The following NRIP1 variants were observed in gnomAD, a reference collection of about 807,000 sequenced individuals.
NRIP1 encodes the protein nuclear receptor interacting protein 1, also known as nuclear receptor-interacting protein 1.
NRIP1 carries 28 observed loss-of-function variants against 75.0 expected under a neutral mutation model. The observed-to-expected ratio is 0.37, with a 90% CI of 0.28 to 0.51. The LOEUF is 0.51. Among genes scored for constraint, NRIP1 ranks in the 20% least tolerant of loss-of-function variants. The pLI is 0.92. For missense variants in NRIP1, 1,435 were observed against 1,343.7 expected, an observed-to-expected ratio of 1.07 and a Z score of -1.06; for synonymous variants, 526 against 487.6, an observed-to-expected ratio of 1.08 and a Z score of -1.04.
At chr21:15,021,007 A>G (rs962508226) in intron 2 of NRIP1, among the ~76,000 whole-genome samples, 1 of 152,198 alleles carries the variant, frequency 6.6e-6, no homozygotes, top group Non-Finnish European at 1.5e-5. Flanking sequence ...GTTTTTCAAA[A>G]AGTTAAACAT....
At chr21:15,062,565 T>C (rs76288193) in intron 1 of NRIP1, among the ~76,000 whole-genome samples, 340 of 152,362 alleles carry the variant, frequency 2.2e-3, no homozygotes, top group African/African-American at 7.5e-3. Context: ...ACTTGATATG[T>C]CATAATTTTC....
chr21:15,046,514 G>T (rs1344016268), intron 1 of NRIP1, among the ~76,000 whole-genome samples: 1 of 152,170 alleles, frequency 6.6e-6, no homozygotes, highest in Non-Finnish European at 1.5e-5. Context: ...AGGTAGAAGA[G>T]ATTTAGTATA....
intron 2 of NRIP1, among the ~76,000 whole-genome samples, chr21:15,028,575 A>G (rs1054206410): frequency 2.0e-5 from 3 of 152,214 alleles, no homozygotes; most frequent in African/African-American, 4.8e-5. Flanking sequence ...TGATTCAAAG[A>G]TTAAATAGAT....
intron 3 of NRIP1, among the ~76,000 whole-genome samples, chr21:14,991,523 A>T: frequency 6.6e-6 from 1 of 151,726 alleles, no homozygotes; most frequent in East Asian, 1.9e-4. Flanking sequence ...CCTCTGCTCT[A>T]TCTTGTAGGA....
chr21:15,065,553 C>T (rs1361463078), upstream of NRIP1, among the ~76,000 whole-genome samples: 1 of 152,124 alleles, frequency 6.6e-6, no homozygotes, highest in Non-Finnish European at 1.5e-5. Flanking sequence ...GCTCTCTGGG[C>T]CCCCTTTCAC....
In NRIP1 at chr21:15,055,498, T is replaced by C. The variant is rs900344027; in HGVS notation, c.-538+9247A>G. On this transcript the variant is annotated intron_variant, in intron 1 of 3. Transcript: ENST00000318948. Reference sequence around the variant, plus strand: ...TATTCAACAAATCCTAAGACTTTTATGAAGACCATGAGAAGAAAATAAGGT... The same window carrying C: ...TATTCAACAAATCCTAAGACTTTTACGAAGACCATGAGAAGAAAATAAGGT... Among the ~76,000 whole-genome samples the C allele has an allele frequency of 5.9e-5, 9 of 152,220 alleles. No individual in the cohort carries two copies. In the South Asian group the frequency reaches 6.2e-4, roughly 10 times the overall value.
chr21:14,965,283 G>C lies in NRIP1; in HGVS notation c.2910C>G (p.Thr970=). The change falls in exon 4 of 4, where the codon ACC becomes ACG. Residue 970 remains threonine (T), a synonymous_variant. Coordinates refer to ENST00000318948, the MANE Select transcript of NRIP1 (RefSeq NM_003489.4). ...AAATGCTAAATTCAGGTTTGCTGTT[G>C]GTCACATTATTTTTGTGTCCTTTCT... ...SKKKGHKNNV[T]NSKPEFSISS... The C allele has an allele frequency of 6.2e-7, 1 of 1,613,932 alleles. No homozygotes were observed. The highest frequency in any genetic ancestry group is 8.5e-7 in the Non-Finnish European group (1 of 1,179,916).
intron 3 of NRIP1, among the ~76,000 whole-genome samples, chr21:15,009,538 G>T (rs2088052296): frequency 6.6e-6 from 1 of 152,162 alleles, no homozygotes; most frequent in Non-Finnish European, 1.5e-5. Context: ...TTTAGTGAAG[G>T]TTCTCTACAG....
intron 3 of NRIP1, among the ~76,000 whole-genome samples, chr21:15,008,606 A>C (rs1600863799): frequency 6.6e-6 from 1 of 152,318 alleles, no homozygotes; most frequent in South Asian, 2.1e-4. Context: ...TTAATAGAAA[A>C]GTGGGTAATA....
chr21:14,989,507 T>A (rs2087509826), intron 3 of NRIP1, among the ~76,000 whole-genome samples: 1 of 152,120 alleles, frequency 6.6e-6, no homozygotes, highest in South Asian at 2.1e-4. Flanking sequence ...CATAATCAGC[T>A]CCTTCCCTGA....
chr21:15,001,500 A>C (rs1162994623), intron 3 of NRIP1, among the ~76,000 whole-genome samples: 1 of 152,202 alleles, frequency 6.6e-6, no homozygotes, highest in African/African-American at 2.4e-5. Flanking sequence ...CTTTCATATT[A>C]AGTAACCTCA....
At chr21:14,984,328 C>A (rs1035699486) in intron 3 of NRIP1, among the ~76,000 whole-genome samples, 2 of 150,582 alleles carry the variant, frequency 1.3e-5, no homozygotes, top group African/African-American at 4.9e-5. Flanking sequence ...ATTTCTGTAA[C>A]CTCATAATAA....
At chr21:15,025,892 G>T (rs2088506263) in intron 2 of NRIP1, among the ~76,000 whole-genome samples, 1 of 152,144 alleles carries the variant, frequency 6.6e-6, no homozygotes, top group Non-Finnish European at 1.5e-5. Context: ...GACTGTGGGA[G>T]ACCAAAAAGA....
At chr21:14,988,602 T>C (rs1341256293) in intron 3 of NRIP1, among the ~76,000 whole-genome samples, 1 of 152,092 alleles carries the variant, frequency 6.6e-6, no homozygotes, top group Non-Finnish European at 1.5e-5. Flanking sequence ...ATTAATTCTT[T>C]CACTCATAAT....
chr21:14,984,366 G>GT (rs2087331082), intron 3 of NRIP1, among the ~76,000 whole-genome samples: 1 of 142,530 alleles, frequency 7.0e-6, no homozygotes, highest in Admixed American at 7.1e-5. Flanking sequence ...AGTTGTTGCG[G>GT]GTTTTTTTTT....
At position 14,966,135 on chromosome 21, in the gene NRIP1, T is replaced by C. The variant is rs1359605529; in HGVS notation, c.2058A>G (p.Ala686=). 3 of 1,612,854 alleles carry C rather than the reference T, an allele frequency of 1.9e-6. No individual in the cohort carries two copies. Among genetic ancestry groups the C allele is most frequent in the Non-Finnish European group, 2.5e-6 (3 of 1,179,958 alleles). ...NKTNAVEENK[A]FSSQPTGPEP... Reference sequence around the variant, plus strand: ...CAGGACCTGTTGGTTGACTACTAAATGCTTTATTTTCTTCAACTGCATTTG... The same window carrying C: ...CAGGACCTGTTGGTTGACTACTAAACGCTTTATTTTCTTCAACTGCATTTG... The change falls in exon 4 of 4, where the codon GCA becomes GCG. Residue 686 remains alanine, a synonymous_variant. Coordinates refer to ENST00000318948, the MANE Select transcript of NRIP1 (RefSeq NM_003489.4).
chr21:14,997,615 A>G (rs2087761466), intron 3 of NRIP1, among the ~76,000 whole-genome samples: 1 of 151,720 alleles, frequency 6.6e-6, no homozygotes, highest in African/African-American at 2.4e-5. Flanking sequence ...AGTAGAAGAC[A>G]TGGTAATCTT....
At chr21:15,008,652 A>C (rs949291759) in intron 3 of NRIP1, among the ~76,000 whole-genome samples, 1 of 152,188 alleles carries the variant, frequency 6.6e-6, no homozygotes, top group Non-Finnish European at 1.5e-5. Flanking sequence ...AAAACTTATT[A>C]GTCTACAAAC....
chr21:14,996,913 T>C (rs2087744221), intron 3 of NRIP1, among the ~76,000 whole-genome samples: 1 of 151,862 alleles, frequency 6.6e-6, no homozygotes, highest in Admixed American at 6.6e-5. Context: ...AAATCCTTAT[T>C]TTCAAGACAC....
Sources: gnomAD v4.1 joint callset for allele counts (sites outside exome capture counted in the v4.1 genomes callset) on GRCh38, gnomAD v4.1.1 for gene constraint, MANE v1.5 for transcripts, NCBI Gene and HGNC (gene_info 2026-07-23, HGNC 2026-07-21) for gene names.